Variants in NAIF1 observed in about 807,000 individuals in gnomAD.
The protein encoded by NAIF1 is nuclear apoptosis-inducing factor 1.
NAIF1 carries 14 observed loss-of-function variants against 20.7 expected under a neutral mutation model. The observed-to-expected ratio is 0.67, with a 90% CI of 0.45 to 1.05. The LOEUF (loss-of-function observed/expected upper bound fraction) is 1.05, where lower values mean the gene tolerates loss of function less well. Among genes scored for constraint, NAIF1 ranks in the 50% least tolerant of loss-of-function variants. NAIF1 has a pLI of 0.00. For synonymous variants in NAIF1, 191 were observed against 191.4 expected, an observed-to-expected ratio of 1.00 and a Z score of 0.02; for missense variants, 362 against 448.8, an observed-to-expected ratio of 0.81 and a Z score of 1.75.
rs1354899051 is a variant in NAIF1, at chr9:128,061,261, T to C, written c.*2167A>G. ...GTATAAAAAAGTGATATGTCTTTAATTTAAAATTATGACCCGGAAATAACT... is the reference window on the plus strand; with the variant it reads ...GTATAAAAAAGTGATATGTCTTTAACTTAAAATTATGACCCGGAAATAACT... On this transcript the variant is annotated 3_prime_UTR_variant, in exon 2 of 2. Coordinates refer to ENST00000373078, the MANE Select transcript of NAIF1 (RefSeq NM_197956.4). The C allele has an allele frequency of 3.9e-5, 6 of 152,148 alleles. No individual in the cohort carries two copies. The highest frequency in any genetic ancestry group is 3.9e-4 in the Admixed American group (6 of 15,242). The allele number at this position is 152,148 out of a possible 1,614,324, so 9.4% of individuals were successfully genotyped here.
chr9:128,067,217 C>T lies in NAIF1; in HGVS notation c.-116G>A. 1 of 1,334,392 alleles carries T rather than the reference C, an allele frequency of 7.5e-7. No individual in the cohort carries two copies. The allele number at this position is 1,334,392 out of a possible 1,614,324, so 82.7% of individuals were successfully genotyped here. On this transcript the variant is annotated 5_prime_UTR_variant, in exon 1 of 2. Coordinates refer to ENST00000373078, the MANE Select transcript of NAIF1 (RefSeq NM_197956.4). Reference sequence around the variant, plus strand: ...CACCCCCTACAGGGGATAGGCCAGGCTTGCTCGAGGCCAAGCACTAGGCCT... The same window carrying T: ...CACCCCCTACAGGGGATAGGCCAGGTTTGCTCGAGGCCAAGCACTAGGCCT...
In NAIF1 at chr9:128,066,738, G is replaced by A; in HGVS notation, c.364C>T (p.Pro122Ser). 1 of 1,611,364 alleles carries A rather than the reference G, an allele frequency of 6.2e-7. No individual in the cohort carries two copies. The highest frequency in any genetic ancestry group is 8.5e-7 in the Non-Finnish European group (1 of 1,178,866). The change falls in exon 1 of 2, where the codon CCA becomes TCA. Residue 122 changes from proline to serine, a missense_variant. Physicochemically the swap from Pro to Ser is moderately conservative, Grantham distance 74 (BLOSUM62 -1). Coordinates refer to ENST00000373078, the MANE Select transcript of NAIF1 (RefSeq NM_197956.4). ...TGTTGCATGGGGGTCAGCAGCACTG[G>A]GGCTACAGCTGGGCCACCGCCACCA... ...GSGGGGPAVAPVLLTPMQQRI... is the reference protein window; with the variant it reads ...GSGGGGPAVASVLLTPMQQRI...
rs1832745446 is a variant in NAIF1 at position 128,063,725 on chromosome 9, C to T, written c.687G>A (p.Leu229=). The T allele has an allele frequency of 6.2e-7, 1 of 1,614,114 alleles. No individual in the cohort carries two copies. The highest frequency in any genetic ancestry group is 1.3e-5 in the African/African-American group (1 of 74,952). The change falls in exon 2 of 2, where the codon CTG becomes CTA. Residue 229 remains leucine (L), a synonymous_variant. Transcript: ENST00000373078. The surrounding 1 kb of genome is among the most constrained non-coding windows in gnomAD (Gnocchi z 4.3). The part of the protein sequence containing the change: ...KSRIALNSAK[L]IQEQRVTNLH... The stretch of plus-strand genomic sequence containing the variant: ...GGTTGGTGACCCGCTGCTCCTGTAT[C>T]AGCTTGGCGGAGTTGAGAGCAATGC...
At position 128,063,369 on chromosome 9, in the gene NAIF1, C is replaced by G. The variant is rs961916757; in HGVS notation, c.*59G>C. The stretch of plus-strand genomic sequence containing the variant: ...AGGCCAAGGCCAATCACAGGACCCA[C>G]TTACAAGTCCATGGAGTTTTCATCC... On this transcript the variant is annotated 3_prime_UTR_variant, in exon 2 of 2. Transcript: ENST00000373078. This position sits in a 1 kb window ranked among gnomAD's most constrained non-coding sequence, Gnocchi z 4.3. 1.2e-5 allele frequency: 18 copies of G among 1,506,846 alleles called. No homozygotes were observed. The African/African-American group carries it at 2.1e-4, about 17-fold the overall frequency. 93.3% of individuals were successfully genotyped at this position (1,506,846 alleles called of 1,614,324 possible).
chr9:128,066,522 C>A, intron 1 of NAIF1, 69 bp downstream of exon 1: 1 of 1,453,832 alleles, frequency 6.9e-7, no homozygotes, highest in East Asian at 2.4e-5. Flanking sequence ...CCAACCTTCC[C>A]CAGGCCACCC....
chr9:128,067,092 G>C lies in NAIF1; in HGVS notation c.10C>G (p.Pro4Ala), dbSNP rs766738086. Residue 4 changes from proline (P) to alanine (A), a missense_variant, in exon 1 of 2, where the codon CCA becomes GCA. Around this residue, in one of 3 missense-constraint regions of NAIF1, gnomAD observed 51 missense variants for 68.7 expected, o/e 0.74. Coordinates refer to ENST00000373078, the MANE Select transcript of NAIF1 (RefSeq NM_197956.4). MAV[P>A]AKKRKMNFSE... is the part of the protein sequence containing the mutation. ...AAGTTCATCTTCCTTTTCTTGGCTG[G>C]GACGGCCATGGCCTCTCCCCTCCCC... 5 of 1,599,010 alleles carry C rather than the reference G, an allele frequency of 3.1e-6. No individual in the cohort carries two copies. The South Asian group carries it at 5.5e-5, about 18-fold the overall frequency.
In NAIF1 at chr9:128,063,360, C is replaced by T; in HGVS notation, c.*68G>A. ...GCCGGTCTAAGGCCAAGGCCAATCA[C>T]AGGACCCACTTACAAGTCCATGGAG... On this transcript the variant is annotated 3_prime_UTR_variant, in exon 2 of 2. Transcript: ENST00000373078. This position sits in a 1 kb window ranked among gnomAD's most constrained non-coding sequence, Gnocchi z 4.3. The T allele has an allele frequency of 2.1e-6, 3 of 1,451,890 alleles. No individual in the cohort carries two copies. In the South Asian group the frequency reaches 3.7e-5, roughly 18 times the overall value. The allele number at this position is 1,451,890 out of a possible 1,614,324, so 89.9% of individuals were successfully genotyped here.
rs1418510243 is a variant in NAIF1 at position 128,062,691 on chromosome 9, G to A, written c.*737C>T. On this transcript the variant is annotated 3_prime_UTR_variant, in exon 2 of 2. Transcript: ENST00000373078. Reference sequence around the variant, plus strand: ...ATTTACAGCATCCAAAGCTTGACCTGAGTCAAAAGCTCTAGGGACAAACCA... The same window carrying A: ...ATTTACAGCATCCAAAGCTTGACCTAAGTCAAAAGCTCTAGGGACAAACCA... 6.6e-6 allele frequency: 1 copy of A among 152,206 alleles called. No individual in the cohort carries two copies. Among genetic ancestry groups the A allele is most frequent in the Non-Finnish European group, 1.5e-5 (1 of 68,070 alleles). 9.4% of individuals were successfully genotyped at this position (152,206 alleles called of 1,614,324 possible).
chr9:128,062,991 C>T lies in NAIF1; in HGVS notation c.*437G>A. The stretch of plus-strand genomic sequence containing the variant: ...CTCCCAAAGGAGGAAGATATTATTG[C>T]TCAACTGCCAGCATCAGTGACATTA... On this transcript the variant is annotated 3_prime_UTR_variant, in exon 2 of 2. Coordinates refer to ENST00000373078, the MANE Select transcript of NAIF1 (RefSeq NM_197956.4). The T allele has an allele frequency of 1.1e-5, 2 of 187,114 alleles. No homozygotes were observed. Among genetic ancestry groups the T allele is most frequent in the Non-Finnish European group, 2.3e-5 (2 of 87,460 alleles). The allele number at this position is 187,114 out of a possible 1,614,324, so 11.6% of individuals were successfully genotyped here. A position where few individuals can be genotyped will look rare whatever the true frequency, so the allele number is the denominator to read the frequency against.
chr9:128,067,112 C>A lies in NAIF1; in HGVS notation c.-11G>T. Reference sequence around the variant, plus strand: ...GGCTGGGACGGCCATGGCCTCTCCCCTCCCCTCTTTTTAAAGAAATTATAA... The same window carrying A: ...GGCTGGGACGGCCATGGCCTCTCCCATCCCCTCTTTTTAAAGAAATTATAA... On this transcript the variant is annotated 5_prime_UTR_variant, in exon 1 of 2. The change creates a new upstream start codon in the 5' untranslated region. Coordinates refer to ENST00000373078, the MANE Select transcript of NAIF1 (RefSeq NM_197956.4). The A allele has an allele frequency of 6.4e-7, 1 of 1,572,372 alleles. No individual in the cohort carries two copies.
At position 128,066,997 on chromosome 9, in the gene NAIF1, G is replaced by A; in HGVS notation, c.105C>T (p.Phe35=). The A allele has an allele frequency of 1.9e-6, 3 of 1,613,830 alleles. No homozygotes were observed. Among genetic ancestry groups the A allele is most frequent in the Non-Finnish European group, 1.7e-6 (2 of 1,180,006 alleles). ...TGGCGGCCAGGGGTACCCCGGCGTT[G>A]AAGTGGTTCACCAGCAGGTGCTTCT... ...ELKKHLLVNH[F]NAGVPLAAKS... The change falls in exon 1 of 2, where the codon TTC becomes TTT. Residue 35 remains phenylalanine (F), a synonymous_variant. Coordinates refer to ENST00000373078, the MANE Select transcript of NAIF1 (RefSeq NM_197956.4).
chr9:128,066,784 C>A lies in NAIF1; in HGVS notation c.318G>T (p.Gly106=). ...CACCACTGCCACCGCCTGTCCCAGG[C>A]CCCCCAGCTCCGTCCTCCTCAGTGG... ...PGPTEEDGAG[G]PGTGGGSGGG... Residue 106 remains glycine, a synonymous_variant, in exon 1 of 2, where the codon GGG becomes GGT. Transcript: ENST00000373078. 3.1e-6 allele frequency: 5 copies of A among 1,605,140 alleles called. No homozygotes were observed. The highest frequency in any genetic ancestry group is 4.3e-6 in the Non-Finnish European group (5 of 1,173,652).
chr9:128,064,222 G>T (rs953754975), intron 1 of NAIF1, among the ~76,000 whole-genome samples: 5 of 151,274 alleles, frequency 3.3e-5, no homozygotes, highest in African/African-American at 4.9e-5. Context: ...CCGAGTAGCT[G>T]GGACTACAGG....
intron 1 of NAIF1, chr9:128,066,217 T>C: frequency 4.6e-6 from 1 of 217,296 alleles, no homozygotes; most frequent in Non-Finnish European, 9.0e-6. Context: ...ATTATTCCCA[T>C]CAATTTTTTC....
At position 128,066,812 on chromosome 9, in the gene NAIF1, C is replaced by T; in HGVS notation, c.290G>A (p.Gly97Glu). 2 of 1,611,206 alleles carry T rather than the reference C, an allele frequency of 1.2e-6. No homozygotes were observed. The highest frequency in any genetic ancestry group is 2.2e-5 in the East Asian group (1 of 44,796). ...RAAVEGGEAP[G>E]PTEEDGAGGP... ...CCCAGCTCCGTCCTCCTCAGTGGGC[C>T]CCGGCGCCTCACCACCCTCCACGGC... The change falls in exon 1 of 2, where the codon GGG becomes GAG. Residue 97 changes from glycine to glutamate, a missense_variant. Gly to Glu is a moderately conservative substitution (Grantham distance 98). Coordinates refer to ENST00000373078, the MANE Select transcript of NAIF1 (RefSeq NM_197956.4).
intron 1 of NAIF1, 28 bp downstream of exon 1, chr9:128,066,563 C>T (rs750175973): frequency 4.7e-6 from 7 of 1,484,122 alleles, no homozygotes; most frequent in East Asian, 2.3e-5. Flanking sequence ...CACTTATGCA[C>T]GCCGCCTGGG....
Position 128,063,694 on chromosome 9 carries a change from C to T in NAIF1, c.718G>A (p.Val240Met). The T allele has an allele frequency of 3.1e-6, 5 of 1,614,242 alleles. No homozygotes were observed. The highest frequency in any genetic ancestry group is 4.2e-6 in the Non-Finnish European group (5 of 1,180,048). Reference protein sequence around the residue: ...IQEQRVTNLHVKEIAQHLEQQ... With the variant: ...IQEQRVTNLHMKEIAQHLEQQ... ...TCCAGGTGCTGTGCGATCTCCTTCA[C>T]ATGCAGGTTGGTGACCCGCTGCTCC... is the stretch of plus-strand genomic sequence containing the variant. The change falls in exon 2 of 2, where the codon GTG (valine) becomes ATG (methionine). Residue 240 changes from valine (V) to methionine (M), a missense_variant. Physicochemically the swap from Val to Met is conservative, Grantham distance 21. This residue lies in a region of NAIF1 where 300 missense variants were observed against 342.7 expected (regional missense o/e 0.88). Coordinates refer to ENST00000373078, the MANE Select transcript of NAIF1 (RefSeq NM_197956.4). The surrounding 1 kb of genome is among the most constrained non-coding windows in gnomAD (Gnocchi z 4.3).
intron 1 of NAIF1, among the ~76,000 whole-genome samples, chr9:128,064,618 C>T (rs910824011): frequency 2.6e-5 from 4 of 152,156 alleles, no homozygotes; most frequent in African/African-American, 9.7e-5. Context: ...TCACAGAGCT[C>T]ATTCAGCAGA....
At position 128,063,762 on chromosome 9, in the gene NAIF1, G is replaced by A. The variant is rs1190052784; in HGVS notation, c.650C>T (p.Ala217Val). 1.2e-6 allele frequency: 2 copies of A among 1,614,086 alleles called. No homozygotes were observed. Among genetic ancestry groups the A allele is most frequent in the Non-Finnish European group, 8.5e-7 (1 of 1,180,048 alleles). ...QHADTSVKPQ[A>V]LKSRIALNSA... ...GTTGAGAGCAATGCGGCTCTTGAGC[G>A]CTTGCGGCTTGACCGACGTGTCTGC... Residue 217 changes from alanine (A) to valine (V), a missense_variant, in exon 2 of 2, where the codon GCG (alanine) becomes GTG (valine). Coordinates refer to ENST00000373078, the MANE Select transcript of NAIF1 (RefSeq NM_197956.4). The surrounding 1 kb of genome is among the most constrained non-coding windows in gnomAD (Gnocchi z 4.3).
Sources: allele counts gnomAD v4.1 joint callset (sites outside exome capture counted in the v4.1 genomes callset), GRCh38; gene constraint gnomAD v4.1.1; regional missense constraint gnomAD v4.1.1; non-coding constraint Gnocchi (gnomAD v3.1); transcripts MANE v1.5; gene names NCBI Gene and HGNC (gene_info 2026-07-23, HGNC 2026-07-21).